Variants in ITSN1 observed in about 807,000 individuals in gnomAD.
ITSN1 encodes the protein intersectin-1.
A neutral mutation model predicts 239.8 loss-of-function variants in ITSN1; 58 were observed. The observed-to-expected ratio is 0.24, with a 90% confidence interval of 0.20 to 0.30. The LOEUF (loss-of-function observed/expected upper bound fraction) is 0.30, where lower values mean the gene tolerates loss of function less well. ITSN1 is among the 10% of genes least tolerant of loss of function. The pLI, the probability that ITSN1 is intolerant of heterozygous loss-of-function variation, is 1.00. For synonymous variants in ITSN1, 780 were observed against 770.8 expected, an observed-to-expected ratio of 1.01 and a Z score of -0.20; for missense variants, 1,558 against 2,103.3, an observed-to-expected ratio of 0.74 and a Z score of 5.07.
chr21:33,816,249 T>G (rs764643078), intron 22 of ITSN1, among the ~76,000 whole-genome samples: 14 of 152,142 alleles, frequency 9.2e-5, no homozygotes, highest in Non-Finnish European at 2.1e-4. Flanking sequence ...AATAGATCAT[T>G]GCACATTGCC....
intron 1 of ITSN1, among the ~76,000 whole-genome samples, chr21:33,656,424 T>C (rs2089081323): frequency 2.0e-5 from 3 of 152,240 alleles, no homozygotes; most frequent in Admixed American, 2.0e-4. Context: ...CACATACATA[T>C]AAAATGTTGA....
intron 1 of ITSN1, among the ~76,000 whole-genome samples, chr21:33,681,914 C>T (rs1200174751): frequency 4.0e-5 from 6 of 151,824 alleles, no homozygotes; most frequent in Admixed American, 6.6e-5. Flanking sequence ...GTGATCCACC[C>T]GTCTCGGCCT....
rs376510502 is a variant in ITSN1 at position 33,885,537 on chromosome 21, C to A, written c.4843+15C>A. On this transcript the variant is annotated intron_variant, in intron 38 of 39. Coordinates refer to ENST00000381318, the MANE Select transcript of ITSN1 (RefSeq NM_003024.3). ...TCGGTCACATGGTAAGGCTGTGAGG[C>A]GCCCCCGGCTCCTGCTTTGGGGTTG... 1.9e-6 allele frequency: 3 copies of A among 1,609,484 alleles called. No homozygotes were observed. The highest frequency in any genetic ancestry group is 1.3e-5 in the African/African-American group (1 of 74,776).
At chr21:33,826,920 C>T (rs1262938348) in intron 26 of ITSN1, 57 bp downstream of exon 26, 5 of 1,430,768 alleles carry the variant, frequency 3.5e-6, no homozygotes, top group African/African-American at 1.4e-5. Flanking sequence ...TTGATAGTTG[C>T]TCCCCATCTT....
chr21:33,819,485 A>G (rs2073510814), intron 24 of ITSN1, among the ~76,000 whole-genome samples, 162 bp downstream of exon 24: 1 of 152,254 alleles, frequency 6.6e-6, no homozygotes, highest in South Asian at 2.1e-4. Context: ...GGAGTACTTC[A>G]TGGAAAATAC....
chr21:33,781,367 GTC>G (rs1230563976), intron 14 of ITSN1, 92 bp from the exon 15 acceptor site: 1 of 714,588 alleles, frequency 1.4e-6, no homozygotes, highest in African/African-American at 1.9e-5. Flanking sequence ...TTTGGGAAGA[GTC>G]TGAGAAAACT....
chr21:33,729,569 G>A (rs139338392), intron 4 of ITSN1, among the ~76,000 whole-genome samples: 23 of 152,194 alleles, frequency 1.5e-4, no homozygotes, highest in African/African-American at 4.1e-4. Flanking sequence ...AGGACATGCC[G>A]GGAGGAAATA....
rs1248684647 is a variant in ITSN1, at chr21:33,794,198, C to A, written c.1825-143C>A. On this transcript the variant is annotated intron_variant, in intron 16 of 39. Transcript: ENST00000381318. Reference sequence around the variant, plus strand: ...ATGTCAAAATGTGGTGTGATTCTAGCTTTCCAAGTTGACTTTTTCCAACTC... The same window carrying A: ...ATGTCAAAATGTGGTGTGATTCTAGATTTCCAAGTTGACTTTTTCCAACTC... 1.3e-5 allele frequency: 8 copies of A among 618,150 alleles called. No individual in the cohort carries two copies. The East Asian group carries it at 2.2e-4, about 17-fold the overall frequency. 38.3% of individuals were successfully genotyped at this position (618,150 alleles called of 1,614,324 possible). A position where few individuals can be genotyped will look rare whatever the true frequency, so the allele number is the denominator to read the frequency against.
chr21:33,689,259 T>C (rs1047177868), intron 1 of ITSN1: 1 of 152,368 alleles, frequency 6.6e-6, no homozygotes, highest in African/African-American at 2.4e-5. Context: ...CTTTTCAATT[T>C]TGAACTTGTT....
intron 1 of ITSN1, among the ~76,000 whole-genome samples, chr21:33,654,559 A>C (rs2088866586): frequency 6.6e-6 from 1 of 151,872 alleles, no homozygotes; most frequent in South Asian, 2.1e-4. Flanking sequence ...TACACATCCA[A>C]TTTCTTCCTA....
intron 36 of ITSN1, 32 bp downstream of exon 36, chr21:33,883,703 C>T (rs906300055): frequency 2.5e-6 from 4 of 1,608,092 alleles, no homozygotes; most frequent in Non-Finnish European, 1.7e-6. Flanking sequence ...GCATGGGCCC[C>T]AGGGCTCCAC....
intron 29 of ITSN1, among the ~76,000 whole-genome samples, chr21:33,843,667 A>C (rs2074901358): frequency 1.3e-5 from 2 of 152,212 alleles, no homozygotes. Context: ...CTATAGGAAG[A>C]TAGTGATTCA....
chr21:33,665,169 A>C (rs892975844), intron 1 of ITSN1, among the ~76,000 whole-genome samples: 1 of 152,182 alleles, frequency 6.6e-6, no homozygotes, highest in Non-Finnish European at 1.5e-5. Flanking sequence ...AGGCTGAGGC[A>C]GGAGAATCGC....
At chr21:33,682,454 ATC>A (rs1259985705) in intron 1 of ITSN1, among the ~76,000 whole-genome samples, 2 of 151,768 alleles carry the variant, frequency 1.3e-5, no homozygotes, top group East Asian at 3.9e-4. Flanking sequence ...ACCTCAGGTG[ATC>A]CACCCGCCTC....
intron 26 of ITSN1, chr21:33,828,982 G>A (rs1433635781): frequency 8.5e-6 from 4 of 471,282 alleles, no homozygotes; most frequent in Middle Eastern, 3.2e-4. Flanking sequence ...CTCCTGTAAC[G>A]TGAAATAAAA....
chr21:33,760,262 G>A (rs1177596074), intron 8 of ITSN1, among the ~76,000 whole-genome samples: 1 of 152,162 alleles, frequency 6.6e-6, no homozygotes, highest in Non-Finnish European at 1.5e-5. Context: ...CAGCGGACAG[G>A]CTATTTGGTT....
chr21:33,720,395 C>A (rs921004650), intron 2 of ITSN1, among the ~76,000 whole-genome samples: 1 of 152,172 alleles, frequency 6.6e-6, no homozygotes, highest in African/African-American at 2.4e-5. Context: ...TGAAAGCTTT[C>A]ATGTATGTAA....
chr21:33,834,408 A>C lies in ITSN1; in HGVS notation c.3453A>C (p.Ser1151=). 6.2e-7 allele frequency: 1 copy of C among 1,611,800 alleles called. No individual in the cohort carries two copies. Among genetic ancestry groups the C allele is most frequent in the Non-Finnish European group, 8.5e-7 (1 of 1,178,292 alleles). The stretch of plus-strand genomic sequence containing the variant: ...TCACTCCAACAGAGCCACCTAAGTC[A>C]ACAGCATTAGCGGCAGGTAAGGAGT... ...SKITPTEPPK[S]TALAAVCQVI... The change falls in exon 28 of 40, where the codon TCA becomes TCC. Residue 1151 remains serine (S), a synonymous_variant. Transcript: ENST00000381318.
At chr21:33,829,833 A>T in intron 27 of ITSN1, 88 bp downstream of exon 27, 1 of 1,473,212 alleles carries the variant, frequency 6.8e-7, no homozygotes, top group Non-Finnish European at 9.3e-7. Context: ...TGTAAAGTAC[A>T]AACCACCCCT....
Sources: gnomAD v4.1 joint callset for allele counts (sites outside exome capture counted in the v4.1 genomes callset) on GRCh38, gnomAD v4.1.1 for gene constraint, MANE v1.5 for transcripts, NCBI Gene and HGNC (gene_info 2026-07-23, HGNC 2026-07-21) for gene names.